The following BABAM2 variants were observed in gnomAD, a reference collection of about 807,000 sequenced individuals.
The protein encoded by BABAM2 is BRISC and BRCA1 A complex member 2, also known as BRISC and BRCA1-A complex member 2.
Under a neutral mutation model 54.7 loss-of-function variants are expected in BABAM2, and 31 were observed. The ratio of observed to expected loss-of-function variants is 0.57; its 90% CI spans 0.43 to 0.77. BABAM2 has a LOEUF of 0.77. Ranked by LOEUF, BABAM2 falls within the 30% of genes least tolerant of loss-of-function variation. BABAM2 has a pLI of 0.00. For synonymous variants in BABAM2, 167 were observed against 162.9 expected, an observed-to-expected ratio of 1.03 and a Z score of -0.19; for missense variants, 364 against 455.8, an observed-to-expected ratio of 0.80 and a Z score of 1.83.
At chr2:27,924,932 T>C (rs1054337225) in intron 2 of BABAM2, among the ~76,000 whole-genome samples, 8 of 152,190 alleles carry the variant, frequency 5.3e-5, no homozygotes, top group Admixed American at 2.0e-4. Context: ...CAACATTTCA[T>C]TGGAAGACAA....
chr2:28,121,754 A>G (rs902029691), intron 6 of BABAM2, among the ~76,000 whole-genome samples: 4 of 152,152 alleles, frequency 2.6e-5, no homozygotes, highest in Admixed American at 1.3e-4. Flanking sequence ...GCTTAAATGA[A>G]TGGTAGTACC....
At chr2:28,064,583 C>G (rs771402001) in intron 6 of BABAM2, among the ~76,000 whole-genome samples, 13 of 152,168 alleles carry the variant, frequency 8.5e-5, no homozygotes, top group African/African-American at 2.9e-4. Context: ...TTCCTATACT[C>G]TAATGTTCAA....
chr2:28,018,171 A>G (rs775906248), intron 4 of BABAM2, among the ~76,000 whole-genome samples: 14 of 152,276 alleles, frequency 9.2e-5, no homozygotes, highest in Non-Finnish European at 1.8e-4. Context: ...CCAAAGTCCA[A>G]TGCGTCATTC....
chr2:28,201,798 G>A lies in BABAM2; in HGVS notation c.681-35404G>A, dbSNP rs1163655004. Among the ~76,000 whole-genome samples, 33 of 152,068 alleles carry A rather than the reference G, an allele frequency of 2.2e-4. 1 individual carries two copies. The highest frequency in any genetic ancestry group is 2.1e-3 in the Admixed American group (32 of 15,276). Reference sequence around the variant, plus strand: ...TATAAAGACGCTGGCAAGAAACTGCGGTGCATCAGCAGGAACAGGTTGCAA... The same window carrying A: ...TATAAAGACGCTGGCAAGAAACTGCAGTGCATCAGCAGGAACAGGTTGCAA... On this transcript the variant is annotated intron_variant, in intron 7 of 11. Coordinates refer to ENST00000379624, the MANE Select transcript of BABAM2 (RefSeq NM_199191.3).
intron 2 of BABAM2, chr2:27,897,136 A>C (rs971307671): frequency 1.3e-5 from 2 of 152,934 alleles, no homozygotes; most frequent in Non-Finnish European, 2.9e-5. Flanking sequence ...ACTCTGAGAC[A>C]ACCATGCAGT....
Position 28,027,280 on chromosome 2 carries a change from A to G in BABAM2, c.495+1860A>G, listed in dbSNP as rs147118022. ...AACTTCTACTAATGTTATGTTCTCAATGATGCCATGTTAACACCCCCAGTA... is the reference window on the plus strand; with the variant it reads ...AACTTCTACTAATGTTATGTTCTCAGTGATGCCATGTTAACACCCCCAGTA... On this transcript the variant is annotated intron_variant, in intron 5 of 11. Coordinates refer to ENST00000379624, the MANE Select transcript of BABAM2 (RefSeq NM_199191.3). Among the ~76,000 whole-genome samples the G allele has an allele frequency of 1.2e-4, 18 of 152,086 alleles. 1 individual carries two copies. The highest frequency in any genetic ancestry group is 4.3e-4 in the African/African-American group (18 of 41,492).
At chr2:28,127,219 A>T (rs572581317) in intron 6 of BABAM2, among the ~76,000 whole-genome samples, 3 of 152,290 alleles carry the variant, frequency 2.0e-5, no homozygotes, top group Admixed American at 6.5e-5. Flanking sequence ...TTAATTTTTT[A>T]AAAAAGAAAG....
intron 6 of BABAM2, among the ~76,000 whole-genome samples, chr2:28,075,300 T>C (rs530027554): frequency 6.6e-6 from 1 of 152,332 alleles, no homozygotes; most frequent in East Asian, 1.9e-4. Context: ...TTTAGGTTTT[T>C]TGTTGTTGTT....
chr2:28,081,311 T>C (rs1424823873), intron 6 of BABAM2, among the ~76,000 whole-genome samples: 1 of 152,206 alleles, frequency 6.6e-6, no homozygotes, highest in Non-Finnish European at 1.5e-5. Flanking sequence ...GCTTCTTTTC[T>C]AGAAGAAGAA....
rs1690074717 is a variant in BABAM2 at position 28,322,159 on chromosome 2, C to T, written c.1089-16291C>T. Among the ~76,000 whole-genome samples the T allele has an allele frequency of 6.6e-6, 1 of 152,100 alleles. No homozygotes were observed. The highest frequency in any genetic ancestry group is 6.5e-5 in the Admixed American group (1 of 15,278). Reference sequence around the variant, plus strand: ...GCCTCCAGTGTTTATACCACTGAGACTGGGGCAGAGTAGTCTGGAGTGCTG... The same window carrying T: ...GCCTCCAGTGTTTATACCACTGAGATTGGGGCAGAGTAGTCTGGAGTGCTG... On this transcript the variant is annotated intron_variant, in intron 11 of 11. Coordinates refer to ENST00000379624, the MANE Select transcript of BABAM2 (RefSeq NM_199191.3). This position sits in a 1 kb window ranked among gnomAD's most constrained non-coding sequence, Gnocchi z 4.1.
At chr2:28,042,547 T>A (rs1445374398) in intron 5 of BABAM2, among the ~76,000 whole-genome samples, 2 of 152,080 alleles carry the variant, frequency 1.3e-5, no homozygotes, top group Admixed American at 1.3e-4. Context: ...CGAGAAATGA[T>A]CATTGAATTT....
At position 28,193,070 on chromosome 2, in the gene BABAM2, A is replaced by G. The variant is rs572703709; in HGVS notation, c.681-44132A>G. On this transcript the variant is annotated intron_variant, in intron 7 of 11. Coordinates refer to ENST00000379624, the MANE Select transcript of BABAM2 (RefSeq NM_199191.3). ...GCACCTGTAATCCCAGCTACTCAGG[A>G]GGCTGGGGCAGGAGGCTTGAACCCA... Among the ~76,000 whole-genome samples, 35 of 152,008 alleles carry G rather than the reference A, an allele frequency of 2.3e-4. No homozygotes were observed. In the South Asian group the frequency reaches 7.1e-3, roughly 31 times the overall value.
intron 11 of BABAM2, among the ~76,000 whole-genome samples, chr2:28,334,790 G>A (rs1381450394): frequency 1.3e-5 from 2 of 152,222 alleles, no homozygotes; most frequent in African/African-American, 2.4e-5. Context: ...TGCGAGTGTG[G>A]CATCAGGTGG....
chr2:28,248,292 C>T (rs1683096191), intron 10 of BABAM2, among the ~76,000 whole-genome samples: 1 of 142,926 alleles, frequency 7.0e-6, no homozygotes, highest in Admixed American at 7.6e-5. Context: ...TCACTGCAAC[C>T]TCTGCCTCCC....
intron 2 of BABAM2, among the ~76,000 whole-genome samples, chr2:27,917,780 T>C (rs1667089977): frequency 1.3e-5 from 2 of 152,006 alleles, no homozygotes; most frequent in African/African-American, 4.8e-5. Flanking sequence ...TTATAAAACA[T>C]ACATAAAATA....
intron 7 of BABAM2, among the ~76,000 whole-genome samples, chr2:28,175,637 T>C (rs978184966): frequency 2.6e-5 from 4 of 152,338 alleles, no homozygotes; most frequent in Admixed American, 6.5e-5. Flanking sequence ...TGTGTGCCAC[T>C]GGGGAGCCTC....
intron 9 of BABAM2, among the ~76,000 whole-genome samples, chr2:28,242,825 T>C (rs903799021): frequency 1.3e-5 from 2 of 152,220 alleles, no homozygotes; most frequent in African/African-American, 4.8e-5. Flanking sequence ...TATGACTGCC[T>C]CTCACATGAG....
At position 28,083,546 on chromosome 2, in the gene BABAM2, A is replaced by G. The variant is rs1318941263; in HGVS notation, c.570+37747A>G. Among the ~76,000 whole-genome samples, 3 of 151,894 alleles carry G rather than the reference A, an allele frequency of 2.0e-5. No individual in the cohort carries two copies. The East Asian group carries it at 5.8e-4, about 29-fold the overall frequency. On this transcript the variant is annotated intron_variant, in intron 6 of 11. Coordinates refer to ENST00000379624, the MANE Select transcript of BABAM2 (RefSeq NM_199191.3). Reference sequence around the variant, plus strand: ...TTTTAATAACTATTAAATATTTCCTATTTTCTAGTCTCCTTATGCTTCCAG... The same window carrying G: ...TTTTAATAACTATTAAATATTTCCTGTTTTCTAGTCTCCTTATGCTTCCAG...
chr2:28,193,880 A>G (rs1677209326), intron 7 of BABAM2, among the ~76,000 whole-genome samples: 1 of 152,210 alleles, frequency 6.6e-6, no homozygotes, highest in Non-Finnish European at 1.5e-5. Context: ...GAAATAAAAC[A>G]AGGAAGAAGA....
Sources: gnomAD v4.1 joint callset for allele counts (sites outside exome capture counted in the v4.1 genomes callset) on GRCh38, gnomAD v4.1.1 for gene constraint, Gnocchi (gnomAD v3.1) non-coding constraint, MANE v1.5 for transcripts, NCBI Gene and HGNC (gene_info 2026-07-23, HGNC 2026-07-21) for gene names.